Variants in CALN1 observed in about 807,000 individuals in gnomAD.
The protein encoded by CALN1 is calneuron 1.
In CALN1, 17 loss-of-function variants were observed where a neutral mutation model predicts 30.6. The observed-to-expected ratio is 0.56, with a 90% CI of 0.38 to 0.83. CALN1 has a LOEUF of 0.83. Among genes scored for constraint, CALN1 ranks in the 40% least tolerant of loss-of-function variants. The pLI is 0.00. For missense variants in CALN1, 291 were observed against 354.9 expected, an observed-to-expected ratio of 0.82 and a Z score of 1.45; for synonymous variants, 156 against 131.4, an observed-to-expected ratio of 1.19 and a Z score of -1.28.
At chr7:72,257,939 T>C (rs1336534348) in intron 3 of CALN1, among the ~76,000 whole-genome samples, 5 of 152,000 alleles carry the variant, frequency 3.3e-5, no homozygotes, top group South Asian at 2.1e-4. Context: ...TTAAGAATGA[T>C]ATAATGAACT....
the CALN1 span, among the ~76,000 whole-genome samples, chr7:72,454,952 C>T: frequency 6.6e-6 from 1 of 152,044 alleles, no homozygotes; most frequent in Non-Finnish European, 1.5e-5. Context: ...CTGCCTTAGC[C>T]TCCTGAGTAG....
At chr7:72,380,720 G>A (rs1804845221) in intron 2 of CALN1, among the ~76,000 whole-genome samples, 1 of 151,658 alleles carries the variant, frequency 6.6e-6, no homozygotes, top group African/African-American at 2.4e-5. Context: ...TAGATAGATA[G>A]ATACATAGAT....
chr7:72,266,331 C>A (rs1322240620), intron 3 of CALN1, among the ~76,000 whole-genome samples: 1 of 152,086 alleles, frequency 6.6e-6, no homozygotes, highest in Non-Finnish European at 1.5e-5. Flanking sequence ...TGAAATAATA[C>A]AAAATACTTG....
intron 5 of CALN1, among the ~76,000 whole-genome samples, chr7:71,915,270 G>A (rs1406613535): frequency 2.0e-5 from 3 of 152,212 alleles, no homozygotes; most frequent in African/African-American, 7.2e-5. Flanking sequence ...CCTTAGAAAT[G>A]AGAAAAGCAA....
At chr7:71,959,074 G>C (rs1343535322) in intron 5 of CALN1, among the ~76,000 whole-genome samples, 1 of 152,170 alleles carries the variant, frequency 6.6e-6, no homozygotes, top group African/African-American at 2.4e-5. Context: ...AGGATGTTCT[G>C]GAAGCTGTGG....
At chr7:72,205,367 A>G (rs1466418020) in intron 3 of CALN1, among the ~76,000 whole-genome samples, 1 of 149,792 alleles carries the variant, frequency 6.7e-6, no homozygotes, top group Admixed American at 6.7e-5. Flanking sequence ...CACCTGGCTA[A>G]TTTTTTGTAT....
At chr7:72,123,000 T>C (rs944474964) in intron 3 of CALN1, among the ~76,000 whole-genome samples, 35 of 152,136 alleles carry the variant, frequency 2.3e-4, no homozygotes, top group African/African-American at 8.2e-4. Flanking sequence ...GATTTTGTTA[T>C]GGGGGAGAGA....
At chr7:72,315,550 A>T (rs894512184) in intron 2 of CALN1, among the ~76,000 whole-genome samples, 2 of 151,910 alleles carry the variant, frequency 1.3e-5, no homozygotes, top group Non-Finnish European at 2.9e-5. Flanking sequence ...CTACAAAAAT[A>T]AAAAAATTAG....
At chr7:71,954,571 G>A (rs1472535201) in intron 5 of CALN1, among the ~76,000 whole-genome samples, 15 of 152,216 alleles carry the variant, frequency 9.9e-5, no homozygotes, top group African/African-American at 2.7e-4. Flanking sequence ...AGGACTGCAC[G>A]AGCCTGGGAG....
chr7:72,434,356 AAAAAAAC>A (rs1562967302), intron 1 of CALN1, among the ~76,000 whole-genome samples: 2 of 151,058 alleles, frequency 1.3e-5, no homozygotes, highest in African/African-American at 4.9e-5. Flanking sequence ...ACCAAAAAAA[AAAAAAAC>A]AAAAAAAAAA....
At chr7:71,897,111 T>A (rs1230218430) in intron 5 of CALN1, among the ~76,000 whole-genome samples, 1 of 152,146 alleles carries the variant, frequency 6.6e-6, no homozygotes, top group African/African-American at 2.4e-5. Context: ...GGAAATGTGT[T>A]CATCCACCAA....
At chr7:72,284,450 G>A (rs1386063296) in intron 2 of CALN1, among the ~76,000 whole-genome samples, 2 of 152,168 alleles carry the variant, frequency 1.3e-5, no homozygotes, top group African/African-American at 4.8e-5. Context: ...TGTCTGTGAG[G>A]GTGTTGCTGG....
chr7:71,860,651 C>T (rs939879069), intron 5 of CALN1, among the ~76,000 whole-genome samples: 1 of 152,098 alleles, frequency 6.6e-6, no homozygotes, highest in Admixed American at 6.6e-5. Flanking sequence ...TTATGACATG[C>T]CCCATAAAAA....
At chr7:72,393,744 T>G (rs1296713921) in intron 2 of CALN1, among the ~76,000 whole-genome samples, 1 of 26,284 alleles carries the variant, frequency 3.8e-5, no homozygotes, top group Non-Finnish European at 6.6e-5. Context: ...CCATAGAGCT[T>G]TTTTTTTTTT....
chr7:71,880,801 G>A (rs1052364739), intron 5 of CALN1, among the ~76,000 whole-genome samples: 2 of 152,146 alleles, frequency 1.3e-5, no homozygotes, highest in Admixed American at 6.6e-5. Context: ...CCAGTTACTT[G>A]CTATTTGTCA....
At position 72,401,781 on chromosome 7, in the gene CALN1, C is replaced by T. The variant is rs565195015; in HGVS notation, c.119+1470G>A. 1.8e-4 allele frequency among the ~76,000 whole-genome samples: 28 copies of T among 152,306 alleles called. No individual in the cohort carries two copies. In the South Asian group the frequency reaches 5.2e-3, roughly 28 times the overall value. The stretch of plus-strand genomic sequence containing the variant: ...GATTTGTCTGTTTGCTGTGTGATAT[C>T]CTCAGATCTAGAGGTAGGCAAATAT... On this transcript the variant is annotated intron_variant, in intron 2 of 6. Coordinates refer to ENST00000395275, the MANE Select transcript of CALN1 (RefSeq NM_031468.4).
intron 2 of CALN1, among the ~76,000 whole-genome samples, chr7:72,341,994 G>GT (rs1802407926): frequency 6.6e-6 from 1 of 152,050 alleles, no homozygotes; most frequent in Non-Finnish European, 1.5e-5. Context: ...GCTCACACTT[G>GT]TAATACCGAT....
At chr7:72,077,264 A>ATTTATTTTAT (rs576872650) in intron 4 of CALN1, among the ~76,000 whole-genome samples, 3 of 151,100 alleles carry the variant, frequency 2.0e-5, no homozygotes, top group African/African-American at 7.3e-5. Context: ...AAGAAGGAAT[A>ATTTATTTTAT]TTTATTTTAT....
At chr7:72,297,788 C>T (rs1005499104) in intron 2 of CALN1, among the ~76,000 whole-genome samples, 5 of 152,214 alleles carry the variant, frequency 3.3e-5, no homozygotes, top group African/African-American at 1.2e-4. Flanking sequence ...ATCTGACAAG[C>T]ATGCCAAGGT....
Sources: gnomAD v4.1 joint callset for allele counts (sites outside exome capture counted in the v4.1 genomes callset) on GRCh38, gnomAD v4.1.1 for gene constraint, MANE v1.5 for transcripts, NCBI Gene and HGNC (gene_info 2026-07-23, HGNC 2026-07-21) for gene names.